TMCC3: variants seen among roughly 807,000 people sequenced by gnomAD.
TMCC3 encodes the protein transmembrane and coiled-coil domain protein 3.
Under a neutral mutation model 40.2 loss-of-function variants are expected in TMCC3, and 28 were observed. The ratio of observed to expected loss-of-function variants is 0.70; its 90% confidence interval spans 0.52 to 0.95. The LOEUF (loss-of-function observed/expected upper bound fraction) is 0.95, where lower values mean the gene tolerates loss of function less well. Ranked by LOEUF, TMCC3 falls within the 40% of genes least tolerant of loss-of-function variation. The probability of loss-of-function intolerance (pLI) is 0.00; values close to 1 mark genes in which losing one functional copy is unlikely to be tolerated. For missense variants in TMCC3, 554 were observed against 615.2 expected (o/e 0.90, Z 1.05); for synonymous variants, 255 against 248.5 (o/e 1.03, Z -0.25).
At chr12:94,621,464 T>C (rs570962614) in intron 1 of TMCC3, among the ~76,000 whole-genome samples, 1 of 152,182 alleles carries the variant, frequency 6.6e-6, no homozygotes, top group African/African-American at 2.4e-5. Context: ...TCCAAGTAGT[T>C]TGAAACTATT....
chr12:94,584,527 A>G (rs2068626585), intron 1 of TMCC3, among the ~76,000 whole-genome samples: 1 of 151,990 alleles, frequency 6.6e-6, no homozygotes, highest in Non-Finnish European at 1.5e-5. Flanking sequence ...AATATGGACC[A>G]TATCCAACAA....
At chr12:94,598,714 G>A (rs2068732957) in intron 1 of TMCC3, 1 of 985,448 alleles carries the variant, frequency 1.0e-6, no homozygotes. Context: ...TTCTCCCACA[G>A]CCACAGACGT....
At chr12:94,609,356 C>T (rs2068801728) in intron 1 of TMCC3, among the ~76,000 whole-genome samples, 1 of 152,202 alleles carries the variant, frequency 6.6e-6, no homozygotes, top group South Asian at 2.1e-4. Flanking sequence ...AAACCTGGGG[C>T]ATCCTCATCC....
intron 1 of TMCC3, among the ~76,000 whole-genome samples, chr12:94,590,165 G>A (rs1259811492): frequency 1.4e-5 from 2 of 144,948 alleles, no homozygotes; most frequent in African/African-American, 2.6e-5. Flanking sequence ...GCAGTGTCGC[G>A]ATCTCCGCTC....
chr12:94,609,751 AC>A (rs1389987700), intron 1 of TMCC3: 1 of 152,096 alleles, frequency 6.6e-6, no homozygotes, highest in Non-Finnish European at 1.5e-5. Flanking sequence ...GATATCAAAG[AC>A]CCAATCGCTC....
At chr12:94,585,422 C>T (rs1327667760) in intron 1 of TMCC3, among the ~76,000 whole-genome samples, 2 of 152,176 alleles carry the variant, frequency 1.3e-5, no homozygotes, top group African/African-American at 2.4e-5. Context: ...AAGGGCCAGG[C>T]GCAGTGGCTC....
At chr12:94,620,319 G>C (rs1459390687) in intron 1 of TMCC3, among the ~76,000 whole-genome samples, 1 of 147,082 alleles carries the variant, frequency 6.8e-6, no homozygotes, top group Admixed American at 6.8e-5. Flanking sequence ...ACAGAGTCTT[G>C]CTCTGTCGCC....
At chr12:94,578,134 C>A (rs933008796) in intron 3 of TMCC3, among the ~76,000 whole-genome samples, 3 of 92,546 alleles carry the variant, frequency 3.2e-5, no homozygotes, top group Non-Finnish European at 5.7e-5. Context: ...GGCCACAGAG[C>A]GAGACTCACC....
intron 3 of TMCC3, 131 bp downstream of exon 3, chr12:94,578,259 ATGTT>A (rs1450504396): frequency 1.0e-5 from 10 of 979,720 alleles, no homozygotes; most frequent in Admixed American, 7.1e-5. Context: ...TACAGATAAA[ATGTT>A]TGTGCAGAGA....
intron 1 of TMCC3, among the ~76,000 whole-genome samples, chr12:94,587,474 G>C (rs2068645151): frequency 6.6e-6 from 1 of 152,138 alleles, no homozygotes; most frequent in African/African-American, 2.4e-5. Context: ...TTTCCATCTT[G>C]GCACCACTCT....
rs537232169 is a variant in TMCC3, at chr12:94,580,891, T to C, written c.995+731A>G. Among the ~76,000 whole-genome samples, 4 of 152,334 alleles carry C rather than the reference T, an allele frequency of 2.6e-5. No individual in the cohort carries two copies. The South Asian group carries it at 8.3e-4, about 32-fold the overall frequency. ...GATCTCTGAATTAGCATAATGACAC[T>C]ATAACGGAAGTCTACTGAATCAGCA... On this transcript the variant is annotated intron_variant, in intron 2 of 3. Coordinates refer to ENST00000261226, the MANE Select transcript of TMCC3 (RefSeq NM_020698.4).
In TMCC3 at chr12:94,650,473, C is replaced by G. The variant is rs567746222; in HGVS notation, c.-43G>C. The G allele has an allele frequency of 1.3e-3, 1,594 of 1,238,642 alleles. 3 individuals carry two copies. The highest frequency in any genetic ancestry group is 7.4e-3 in the African/African-American group (471 of 63,630). The allele number at this position is 1,238,642 out of a possible 1,614,324, so 76.7% of individuals were successfully genotyped here. A position where few individuals can be genotyped will look rare whatever the true frequency, so the allele number is the denominator to read the frequency against. The stretch of plus-strand genomic sequence containing the variant: ...GAACTTTCCCGTCTTCTGGGGCTGC[C>G]GCGCCGCGAGCCACCGGCTGTGCTC... On this transcript the variant is annotated 5_prime_UTR_variant, in exon 1 of 4. Coordinates refer to ENST00000261226, the MANE Select transcript of TMCC3 (RefSeq NM_020698.4).
chr12:94,615,834 G>T, intron 1 of TMCC3: 1 of 722,440 alleles, frequency 1.4e-6, no homozygotes, highest in Non-Finnish European at 1.7e-6. Flanking sequence ...ATTTCTTTCT[G>T]GCATCTCCCA....
chr12:94,606,987 A>G (rs1011304136), intron 1 of TMCC3, among the ~76,000 whole-genome samples: 4 of 152,172 alleles, frequency 2.6e-5, no homozygotes, highest in Admixed American at 2.0e-4. Context: ...GTACTGCAGG[A>G]GACCAAGGTG....
intron 1 of TMCC3, among the ~76,000 whole-genome samples, chr12:94,587,999 C>A (rs2068648065): frequency 6.6e-6 from 1 of 152,176 alleles, no homozygotes; most frequent in Non-Finnish European, 1.5e-5. Flanking sequence ...GAGACATTTC[C>A]ACTGTCACCC....
chr12:94,616,103 T>C, intron 1 of TMCC3: 3 of 985,358 alleles, frequency 3.0e-6, no homozygotes, highest in Non-Finnish European at 3.6e-6. Flanking sequence ...TGTGTTTGTC[T>C]CAGAGAAACT....
At chr12:94,635,455 A>G (rs1382295368) in intron 1 of TMCC3, among the ~76,000 whole-genome samples, 1 of 152,182 alleles carries the variant, frequency 6.6e-6, no homozygotes, top group Non-Finnish European at 1.5e-5. Context: ...ATGTACCATA[A>G]CAGTGTTTGC....
chr12:94,616,232 C>A, intron 1 of TMCC3: 1 of 397,138 alleles, frequency 2.5e-6, no homozygotes, highest in Non-Finnish European at 3.4e-6. Flanking sequence ...TATATCTTTG[C>A]AGGGAGGTCG....
intron 1 of TMCC3, among the ~76,000 whole-genome samples, chr12:94,603,134 G>C (rs1273124654): frequency 6.6e-6 from 1 of 152,078 alleles, no homozygotes. Context: ...ACCCAGGCTG[G>C]AGTGCAGTGG....
Sources: gnomAD v4.1 joint callset for allele counts (sites outside exome capture counted in the v4.1 genomes callset) on GRCh38, gnomAD v4.1.1 for gene constraint, MANE v1.5 for transcripts, NCBI Gene and HGNC (gene_info 2026-07-23, HGNC 2026-07-21) for gene names.